Variants in SGCG observed in about 807,000 individuals in gnomAD.
The protein encoded by SGCG is sarcoglycan gamma.
SGCG carries 26 observed loss-of-function variants against 29.3 expected under a neutral mutation model. That is an observed-to-expected ratio of 0.89 (90% CI 0.65 to 1.23). The LOEUF is 1.23. SGCG is among the 50% of genes most tolerant of loss of function. SGCG has a pLI of 0.00. For missense variants in SGCG, 353 were observed against 356.0 expected, an observed-to-expected ratio of 0.99 and a Z score of 0.07; for synonymous variants, 145 against 129.7, an observed-to-expected ratio of 1.12 and a Z score of -0.80.
intron 1 of SGCG, among the ~76,000 whole-genome samples, chr13:23,189,976 T>G (rs1334704554): frequency 6.6e-6 from 1 of 152,208 alleles, no homozygotes; most frequent in Non-Finnish European, 1.5e-5. Flanking sequence ...ATTACCCCTT[T>G]AGTCTCAACA....
chr13:23,259,394 T>C (rs1880335526), intron 4 of SGCG, among the ~76,000 whole-genome samples: 1 of 152,176 alleles, frequency 6.6e-6, no homozygotes, highest in African/African-American at 2.4e-5. Flanking sequence ...AGATATCCCC[T>C]TTATCATTTT....
upstream of SGCG, among the ~76,000 whole-genome samples, chr13:23,178,214 T>C (rs984186503): frequency 1.3e-5 from 2 of 152,052 alleles, no homozygotes; most frequent in Non-Finnish European, 2.9e-5. Flanking sequence ...TACTTGGCTA[T>C]AGCAATAGGT....
the SGCG span, among the ~76,000 whole-genome samples, chr13:23,163,142 C>T: frequency 6.6e-6 from 1 of 152,034 alleles, no homozygotes; most frequent in Non-Finnish European, 1.5e-5. Flanking sequence ...ACAGTGGTAA[C>T]AATACAATGT....
intron 4 of SGCG, among the ~76,000 whole-genome samples, chr13:23,265,233 G>A (rs913368157): frequency 8.6e-5 from 13 of 151,586 alleles, no homozygotes; most frequent in East Asian, 5.8e-4. Context: ...TGGAATCTAC[G>A]AGGAAATAAA....
chr13:23,302,919 C>G (rs1403324663), intron 6 of SGCG, among the ~76,000 whole-genome samples: 1 of 152,158 alleles, frequency 6.6e-6, no homozygotes, highest in Non-Finnish European at 1.5e-5. Context: ...TAAAAAGTCA[C>G]TCTACGTTCT....
chr13:23,234,605 T>TA lies in SGCG; in HGVS notation c.196-4dup. On this transcript the variant is annotated splice_region_variant and splice_polypyrimidine_tract_variant and intron_variant, in intron 2 of 7. Coordinates refer to ENST00000218867, the MANE Select transcript of SGCG (RefSeq NM_000231.3). ...ATACGCATTGTCTCTTTTTTTTTTTTAACAGGCAGGAATGGGCCACTTGTG... is the reference window on the plus strand; with the variant it reads ...ATACGCATTGTCTCTTTTTTTTTTTTAAACAGGCAGGAATGGGCCACTTGTG... 1.3e-6 allele frequency: 2 copies of TA among 1,581,594 alleles called. No homozygotes were observed. The highest frequency in any genetic ancestry group is 8.7e-7 in the Non-Finnish European group (1 of 1,152,104).
chr13:23,234,723 G>A lies in SGCG; in HGVS notation c.297+11G>A. On this transcript the variant is annotated intron_variant, in intron 3 of 7. Coordinates refer to ENST00000218867, the MANE Select transcript of SGCG (RefSeq NM_000231.3). ...ATACACTCCAGAGTGGTAAGAAAATGTTAAGACAAATAATTTGTGCTTTAT... is the reference window on the plus strand; with the variant it reads ...ATACACTCCAGAGTGGTAAGAAAATATTAAGACAAATAATTTGTGCTTTAT... The A allele has an allele frequency of 1.3e-6, 2 of 1,488,128 alleles. No individual in the cohort carries two copies. Among genetic ancestry groups the A allele is most frequent in the Non-Finnish European group, 1.9e-6 (2 of 1,065,346 alleles). 92.2% of individuals were successfully genotyped at this position (1,488,128 alleles called of 1,614,324 possible).
chr13:23,188,104 T>C (rs1185925907), intron 1 of SGCG, among the ~76,000 whole-genome samples: 1 of 152,172 alleles, frequency 6.6e-6, no homozygotes, highest in East Asian at 1.9e-4. Flanking sequence ...TGGGTTAATT[T>C]TTCCAAGGCC....
intron 1 of SGCG, among the ~76,000 whole-genome samples, 168 bp downstream of exon 1, chr13:23,181,243 A>G (rs906742883): frequency 1.3e-4 from 20 of 152,354 alleles, no homozygotes; most frequent in African/African-American, 4.8e-4. Flanking sequence ...ATCAAGTATC[A>G]ATGAAATTCT....
upstream of SGCG, among the ~76,000 whole-genome samples, chr13:23,179,143 C>G (rs1457650249): frequency 6.6e-6 from 1 of 152,162 alleles, no homozygotes; most frequent in East Asian, 1.9e-4. Flanking sequence ...TCTTTAAGGT[C>G]TCTTGGAGCT....
At chr13:23,261,418 C>G (rs1292906020) in intron 4 of SGCG, among the ~76,000 whole-genome samples, 1 of 151,562 alleles carries the variant, frequency 6.6e-6, no homozygotes, top group Non-Finnish European at 1.5e-5. Flanking sequence ...TTTCAGAGCT[C>G]GAAGACAAGT....
intron 2 of SGCG, among the ~76,000 whole-genome samples, chr13:23,227,020 GCTTGT>G (rs1417949146): frequency 3.3e-5 from 5 of 152,182 alleles, no homozygotes; most frequent in East Asian, 3.9e-4. Context: ...TTTTCTACCT[GCTTGT>G]CTTATTTTTA....
intron 5 of SGCG, 152 bp downstream of exon 5, chr13:23,279,630 C>G (rs925219625): frequency 9.6e-6 from 7 of 726,564 alleles, no homozygotes; most frequent in African/African-American, 7.0e-5. Context: ...GTTGAACTCC[C>G]TCGATGCTCT....
chr13:23,229,309 T>C (rs921294767), intron 2 of SGCG, among the ~76,000 whole-genome samples: 2 of 152,230 alleles, frequency 1.3e-5, no homozygotes, highest in African/African-American at 2.4e-5. Context: ...TTTGGGTATA[T>C]ATCCAGTAAT....
At chr13:23,178,354 G>A (rs1377199504), upstream of SGCG, among the ~76,000 whole-genome samples, 4 of 152,208 alleles carry the variant, frequency 2.6e-5, no homozygotes, top group African/African-American at 9.6e-5. Flanking sequence ...AGAGCCCTAA[G>A]TCTGTCTTCT....
chr13:23,234,318 TAA>T (rs1284996235), intron 2 of SGCG, among the ~76,000 whole-genome samples: 24 of 152,072 alleles, frequency 1.6e-4, no homozygotes, highest in African/African-American at 1.9e-4. Flanking sequence ...TACCTTAATT[TAA>T]TTTTTTTTAA....
intron 6 of SGCG, among the ~76,000 whole-genome samples, chr13:23,316,882 T>C (rs1157148773): frequency 1.3e-5 from 2 of 152,210 alleles, no homozygotes; most frequent in African/African-American, 4.8e-5. Flanking sequence ...AGTTCCAATG[T>C]TGGCTGGGGT....
chr13:23,222,321 A>G (rs1323381141), intron 2 of SGCG, among the ~76,000 whole-genome samples: 3 of 152,156 alleles, frequency 2.0e-5, no homozygotes, highest in African/African-American at 7.2e-5. Flanking sequence ...TGCCCTCTTT[A>G]AGAAATGTTT....
intron 6 of SGCG, among the ~76,000 whole-genome samples, chr13:23,311,561 A>G (rs1179523284): frequency 6.6e-6 from 1 of 152,138 alleles, no homozygotes; most frequent in Non-Finnish European, 1.5e-5. Context: ...GACTACTCCT[A>G]CAGGACAACT....
Sources: gnomAD v4.1 joint callset for allele counts (sites outside exome capture counted in the v4.1 genomes callset) on GRCh38, gnomAD v4.1.1 for gene constraint, MANE v1.5 for transcripts, NCBI Gene and HGNC (gene_info 2026-07-23, HGNC 2026-07-21) for gene names.